The following PTPRM variants were observed in gnomAD, a reference collection of about 807,000 sequenced individuals.
PTPRM encodes the protein receptor-type tyrosine-protein phosphatase mu.
A neutral mutation model predicts 186.7 loss-of-function variants in PTPRM; 47 were observed. The observed-to-expected ratio is 0.25, with a 90% CI of 0.20 to 0.32. The LOEUF (loss-of-function observed/expected upper bound fraction) is 0.32, where lower values mean the gene tolerates loss of function less well. PTPRM is among the 10% of genes least tolerant of loss of function. PTPRM has a pLI of 1.00. For synonymous variants in PTPRM, 668 were observed against 674.9 expected (o/e 0.99, Z 0.16); for missense variants, 1,494 against 1,865.0 (o/e 0.80, Z 3.66).
chr18:7,622,173 G>T (rs1251873597), intron 1 of PTPRM, among the ~76,000 whole-genome samples: 1 of 152,136 alleles, frequency 6.6e-6, no homozygotes, highest in Non-Finnish European at 1.5e-5. Context: ...TGTGTGAGAA[G>T]AATATTCTAA....
chr18:7,927,042 A>G (rs1032515683), intron 5 of PTPRM, among the ~76,000 whole-genome samples: 1 of 152,090 alleles, frequency 6.6e-6, no homozygotes, highest in African/African-American at 2.4e-5. Context: ...TTACACACAT[A>G]CACACCACAG....
At chr18:8,039,833 C>G (rs973111140) in intron 7 of PTPRM, among the ~76,000 whole-genome samples, 1 of 152,106 alleles carries the variant, frequency 6.6e-6, no homozygotes, top group Non-Finnish European at 1.5e-5. Flanking sequence ...TTAGAGGTGA[C>G]AGGCCATGTA....
chr18:7,847,294 G>A (rs2046644047), intron 2 of PTPRM, among the ~76,000 whole-genome samples: 1 of 151,222 alleles, frequency 6.6e-6, no homozygotes, highest in Non-Finnish European at 1.5e-5. Context: ...AGCCTCCTGC[G>A]TAGCCGTGAC....
intron 2 of PTPRM, among the ~76,000 whole-genome samples, chr18:7,833,411 G>A (rs1397865264): frequency 6.6e-6 from 1 of 152,004 alleles, no homozygotes; most frequent in African/African-American, 2.4e-5. Flanking sequence ...TTCTTTTACA[G>A]ATTATTCACT....
At position 7,987,663 on chromosome 18, in the gene PTPRM, T is replaced by C. The variant is rs1212175598; in HGVS notation, c.1132+32249T>C. Among the ~76,000 whole-genome samples the C allele has an allele frequency of 3.3e-5, 5 of 152,276 alleles. 1 individual carries two copies. The highest frequency in any genetic ancestry group is 1.3e-4 in the Admixed American group (2 of 15,288). On this transcript the variant is annotated intron_variant, in intron 7 of 32. Transcript: ENST00000580170. ...AAATTAACCTGGGAGGTGCTTTCAT[T>C]TCTATTTTATCTGGTTTAGAAAACT...
At chr18:8,251,669 T>G (rs2094529185) in intron 17 of PTPRM, 1 of 152,234 alleles carries the variant, frequency 6.6e-6, no homozygotes, top group Non-Finnish European at 1.5e-5. Context: ...TACACACTTG[T>G]GTACCACCTT....
intron 1 of PTPRM, among the ~76,000 whole-genome samples, chr18:7,620,340 G>A (rs994515878): frequency 3.9e-5 from 6 of 152,082 alleles, no homozygotes; most frequent in African/African-American, 1.4e-4. Flanking sequence ...GTATCTTGGT[G>A]GGAATTCTCA....
chr18:8,221,088 A>G (rs1032667842), intron 14 of PTPRM, among the ~76,000 whole-genome samples: 1 of 152,160 alleles, frequency 6.6e-6, no homozygotes, highest in African/African-American at 2.4e-5. Context: ...TTTTCCTCCC[A>G]CTAAACTATT....
chr18:8,389,780 A>C (rs1369974374), intron 31 of PTPRM, among the ~76,000 whole-genome samples: 4 of 152,198 alleles, frequency 2.6e-5, no homozygotes, highest in African/African-American at 7.2e-5. Context: ...AAACCACTCC[A>C]GTCTTCCTCT....
intron 6 of PTPRM, among the ~76,000 whole-genome samples, chr18:7,952,786 ACTTGAGGT>A (rs1395107803): frequency 1.3e-5 from 2 of 152,084 alleles, no homozygotes; most frequent in African/African-American, 4.8e-5. Context: ...CTGGCAGATC[ACTTGAGGT>A]CAGGAGTTCG....
At chr18:7,624,927 T>C (rs1411908610) in intron 1 of PTPRM, among the ~76,000 whole-genome samples, 1 of 152,190 alleles carries the variant, frequency 6.6e-6, no homozygotes, top group Admixed American at 6.5e-5. Flanking sequence ...GGTGTGTGTG[T>C]GGCGAGCCTA....
chr18:8,171,310 T>A (rs1037829249), intron 14 of PTPRM, among the ~76,000 whole-genome samples: 3 of 152,224 alleles, frequency 2.0e-5, no homozygotes, highest in Admixed American at 6.5e-5. Flanking sequence ...ATGGGCTGTG[T>A]GGCATGCTAC....
chr18:8,302,830 T>C (rs1421367858), intron 20 of PTPRM, among the ~76,000 whole-genome samples: 5 of 151,700 alleles, frequency 3.3e-5, no homozygotes, highest in Non-Finnish European at 5.9e-5. Flanking sequence ...CCAGGATGGA[T>C]AATACTGGAA....
intron 19 of PTPRM, among the ~76,000 whole-genome samples, chr18:8,259,784 G>A (rs192700097): frequency 2.6e-4 from 39 of 152,112 alleles, no homozygotes; most frequent in African/African-American, 8.9e-4. Context: ...AGTAGCTGGA[G>A]CTACAGGCAC....
intron 20 of PTPRM, among the ~76,000 whole-genome samples, chr18:8,299,239 G>A (rs1254827480): frequency 6.6e-6 from 1 of 152,102 alleles, no homozygotes; most frequent in Non-Finnish European, 1.5e-5. Context: ...TGGACAGAGA[G>A]TATGTACTTA....
rs2037723874 is a variant in PTPRM at position 7,613,342 on chromosome 18, G to A, written c.73+45451G>A. Among the ~76,000 whole-genome samples, 3 of 151,984 alleles carry A rather than the reference G, an allele frequency of 2.0e-5. No homozygotes were observed. The South Asian group carries it at 6.2e-4, about 32-fold the overall frequency. ...TGTTCCCCTTTTTCATACAGTAGAT[G>A]CTCAATAATGATTTCAGTCATATTG... On this transcript the variant is annotated intron_variant, in intron 1 of 32. Transcript: ENST00000580170.
chr18:8,088,737 CT>C lies in PTPRM; in HGVS notation c.1754-7del. ...AAATAATGAGTCTCCCATTCTACGC[CT>C]TTTTCCCCAGCACCCTCTATGCCAG... On this transcript the variant is annotated splice_polypyrimidine_tract_variant and intron_variant, in intron 10 of 32. Coordinates refer to ENST00000580170, the MANE Select transcript of PTPRM (RefSeq NM_001105244.2). The C allele has an allele frequency of 1.4e-5, 23 of 1,588,908 alleles. No individual in the cohort carries two copies. The highest frequency in any genetic ancestry group is 2.7e-5 in the African/African-American group (2 of 74,446).
chr18:8,345,037 A>G (rs997851238), intron 23 of PTPRM, among the ~76,000 whole-genome samples: 1 of 152,192 alleles, frequency 6.6e-6, no homozygotes, highest in African/African-American at 2.4e-5. Flanking sequence ...CTCCAGGGTC[A>G]AAGTAAACAC....
chr18:7,607,661 C>T (rs918841729), intron 1 of PTPRM, among the ~76,000 whole-genome samples: 1 of 152,232 alleles, frequency 6.6e-6, no homozygotes, highest in Non-Finnish European at 1.5e-5. Flanking sequence ...CATGTGCCAG[C>T]TTGATCTGGC....
Sources: gnomAD v4.1 joint callset for allele counts (sites outside exome capture counted in the v4.1 genomes callset) on GRCh38, gnomAD v4.1.1 for gene constraint, MANE v1.5 for transcripts, NCBI Gene and HGNC (gene_info 2026-07-23, HGNC 2026-07-21) for gene names.